Variants in CNTN1 observed in about 807,000 individuals in gnomAD.
The protein encoded by CNTN1 is contactin 1.
A neutral mutation model predicts 126.4 loss-of-function variants in CNTN1; 38 were observed. That is an observed-to-expected ratio of 0.30 (90% CI 0.23 to 0.39). The LOEUF is 0.39. Ranked by LOEUF, CNTN1 falls within the 10% of genes least tolerant of loss-of-function variation. The probability of loss-of-function intolerance (pLI) is 1.00; values close to 1 mark genes in which losing one functional copy is unlikely to be tolerated. For synonymous variants in CNTN1, 413 were observed against 422.6 expected, an observed-to-expected ratio of 0.98 and a Z score of 0.28; for missense variants, 1,009 against 1,248.4, an observed-to-expected ratio of 0.81 and a Z score of 2.89.
At chr12:41,006,695 T>C (rs965735877) in intron 17 of CNTN1, among the ~76,000 whole-genome samples, 1 of 152,234 alleles carries the variant, frequency 6.6e-6, no homozygotes, top group African/African-American at 2.4e-5. Flanking sequence ...CTAAGGAAGA[T>C]GTGGCTATTC....
chr12:40,773,334 T>A lies in CNTN1; in HGVS notation c.-77+80742T>A, dbSNP rs537735169. On this transcript the variant is annotated intron_variant, in intron 1 of 23. Transcript: ENST00000551295. ...TTTAGAAAACGATAGTTAAGTCGTT[T>A]TAGTTTTAATTTTACATTCATCCTG... 1.6e-4 allele frequency among the ~76,000 whole-genome samples: 24 copies of A among 151,888 alleles called. No homozygotes were observed. In the South Asian group the frequency reaches 4.1e-3, roughly 26 times the overall value.
chr12:40,771,074 A>G (rs1434534723), intron 1 of CNTN1, among the ~76,000 whole-genome samples: 1 of 152,094 alleles, frequency 6.6e-6, no homozygotes, highest in African/African-American at 2.4e-5. Flanking sequence ...TCCATGTACT[A>G]AAGAAGCCTG....
chr12:41,053,428 A>AATATATATATATATATATATATATATAT (rs66808071), intron 23 of CNTN1, among the ~76,000 whole-genome samples: 1 of 64,116 alleles, frequency 1.6e-5, no homozygotes, highest in Non-Finnish European at 2.8e-5. Context: ...GTTTTCACTA[A>AATATATATATATATATATATATATATAT]ATATATATAT....
intron 1 of CNTN1, among the ~76,000 whole-genome samples, chr12:40,742,188 C>T (rs1012348432): frequency 1.3e-5 from 2 of 152,054 alleles, no homozygotes; most frequent in Non-Finnish European, 2.9e-5. Flanking sequence ...TAATGCTCTC[C>T]TACTGTTCAA....
At chr12:40,927,775 G>A (rs779601389) in intron 6 of CNTN1, among the ~76,000 whole-genome samples, 6 of 151,966 alleles carry the variant, frequency 3.9e-5, no homozygotes, top group African/African-American at 1.5e-4. Flanking sequence ...AATCTACATC[G>A]GGCATTCAGT....
chr12:40,766,553 T>C (rs1351503286), intron 1 of CNTN1, among the ~76,000 whole-genome samples: 1 of 152,102 alleles, frequency 6.6e-6, no homozygotes, highest in Non-Finnish European at 1.5e-5. Flanking sequence ...TACTGGCCTT[T>C]AAAAGGGGTG....
At chr12:40,896,969 T>C (rs555828619) in intron 1 of CNTN1, among the ~76,000 whole-genome samples, 6 of 152,370 alleles carry the variant, frequency 3.9e-5, no homozygotes, top group African/African-American at 7.2e-5. Flanking sequence ...TTTGTTTAGA[T>C]GAAAATTGAG....
intron 1 of CNTN1, among the ~76,000 whole-genome samples, chr12:40,801,104 A>G (rs1008148126): frequency 4.6e-5 from 7 of 151,778 alleles, no homozygotes; most frequent in Non-Finnish European, 8.8e-5. Flanking sequence ...GAGAATAATA[A>G]TAATAACAAA....
At chr12:40,726,896 T>A (rs1056042376) in intron 1 of CNTN1, among the ~76,000 whole-genome samples, 4 of 150,888 alleles carry the variant, frequency 2.7e-5, no homozygotes, top group Non-Finnish European at 5.9e-5. Flanking sequence ...AATTCTCATG[T>A]TTTTTATTAG....
At chr12:40,904,357 C>CATCCTTCCT (rs1565915844) in intron 1 of CNTN1, among the ~76,000 whole-genome samples, 1 of 146,350 alleles carries the variant, frequency 6.8e-6, no homozygotes. Context: ...TTTTTCCTTC[C>CATCCTTCCT]TTCCTTCCTT....
chr12:40,920,651 A>G (rs1945405749), intron 4 of CNTN1, among the ~76,000 whole-genome samples: 1 of 152,182 alleles, frequency 6.6e-6, no homozygotes, highest in South Asian at 2.1e-4. Flanking sequence ...TTCATATAGT[A>G]GTTATATATT....
chr12:41,056,428 G>C (rs1021922804), intron 23 of CNTN1, among the ~76,000 whole-genome samples: 2 of 152,114 alleles, frequency 1.3e-5, no homozygotes, highest in Admixed American at 1.3e-4. Context: ...GTTAGGATGG[G>C]ATTAGTTCCA....
At chr12:40,777,485 A>T (rs1469248950) in intron 1 of CNTN1, among the ~76,000 whole-genome samples, 5 of 151,748 alleles carry the variant, frequency 3.3e-5, no homozygotes, top group African/African-American at 1.2e-4. Context: ...TAAAAGAACA[A>T]GTCTTCAGGG....
At chr12:40,914,484 C>G (rs566117164) in intron 3 of CNTN1, among the ~76,000 whole-genome samples, 1 of 151,898 alleles carries the variant, frequency 6.6e-6, no homozygotes, top group Non-Finnish European at 1.5e-5. Context: ...ATTTCTAAAC[C>G]GTCAAACAAA....
At chr12:41,041,195 C>T (rs1246501263) in intron 23 of CNTN1, among the ~76,000 whole-genome samples, 2 of 150,208 alleles carry the variant, frequency 1.3e-5, no homozygotes, top group South Asian at 4.2e-4. Context: ...GTCTTTGGTT[C>T]TGTTTATATG....
intron 1 of CNTN1, among the ~76,000 whole-genome samples, chr12:40,825,978 G>A (rs1487599367): frequency 6.6e-6 from 1 of 152,088 alleles, no homozygotes; most frequent in Non-Finnish European, 1.5e-5. Flanking sequence ...AGTTGGCTAT[G>A]GAGATTTGTA....
chr12:40,694,779 T>A (rs972675723), intron 1 of CNTN1, among the ~76,000 whole-genome samples: 1 of 152,158 alleles, frequency 6.6e-6, no homozygotes, highest in African/African-American at 2.4e-5. Flanking sequence ...ATGATCTGAT[T>A]TGGAGCAAGA....
chr12:41,006,134 G>GGTATAAGGTAGATTCA (rs1261036305), intron 17 of CNTN1, among the ~76,000 whole-genome samples: 1 of 152,006 alleles, frequency 6.6e-6, no homozygotes, highest in Non-Finnish European at 1.5e-5. Flanking sequence ...GTTTGATTGT[G>GGTATAAGGTAGATTCA]GTATAAGGTA....
chr12:40,801,102 T>C (rs1252438698), intron 1 of CNTN1, among the ~76,000 whole-genome samples: 1 of 149,182 alleles, frequency 6.7e-6, no homozygotes, highest in Non-Finnish European at 1.5e-5. Context: ...GAGAGAATAA[T>C]AATAATAACA....
Sources: allele counts gnomAD v4.1 joint callset (sites outside exome capture counted in the v4.1 genomes callset), GRCh38; gene constraint gnomAD v4.1.1; transcripts MANE v1.5; gene names NCBI Gene and HGNC (gene_info 2026-07-23, HGNC 2026-07-21).